Variants in AFF3 observed in about 807,000 individuals in gnomAD.
AFF3 encodes the protein ALF transcription elongation factor 3.
A neutral mutation model predicts 129.7 loss-of-function variants in AFF3; 32 were observed. The ratio of observed to expected loss-of-function variants is 0.25; its 90% CI spans 0.19 to 0.33. The LOEUF is 0.33. Ranked by LOEUF, AFF3 falls within the 10% of genes least tolerant of loss-of-function variation. The pLI is 1.00. For missense variants in AFF3, 1,373 were observed against 1,592.0 expected (o/e 0.86, Z 2.34); for synonymous variants, 644 against 635.4 (o/e 1.01, Z -0.20).
chr2:100,012,510 C>T (rs1682645366), intron 4 of AFF3, among the ~76,000 whole-genome samples: 1 of 152,206 alleles, frequency 6.6e-6, no homozygotes, highest in South Asian at 2.1e-4. Flanking sequence ...TGAACTCTCA[C>T]CTTTCTACCA....
At chr2:100,028,209 C>A (rs10198283) in intron 4 of AFF3, among the ~76,000 whole-genome samples, 3,155 of 152,194 alleles carry the variant, frequency 0.021, 119 homozygotes, top group African/African-American at 0.072. Flanking sequence ...AAGTGTAAAT[C>A]AGAAGAAACT....
intron 7 of AFF3, among the ~76,000 whole-genome samples, chr2:99,998,037 T>C (rs1170249647): frequency 6.6e-6 from 1 of 151,642 alleles, no homozygotes; most frequent in African/African-American, 2.4e-5. Flanking sequence ...AGGTTAAAAA[T>C]CAAAATTCTA....
At position 99,958,954 on chromosome 2, in the gene AFF3, A is replaced by T. The variant is rs75353862; in HGVS notation, c.873+47678T>A. On this transcript the variant is annotated intron_variant, in intron 7 of 24. Transcript: ENST00000672756. ...ATAGGGGGGCCCATCTCTATAAAAA[A>T]TACAAAAATTAGCCAGGCGTGGGTC... Among the ~76,000 whole-genome samples, 3 of 152,056 alleles carry T rather than the reference A, an allele frequency of 2.0e-5. No homozygotes were observed. The East Asian group carries it at 5.8e-4, about 29-fold the overall frequency.
chr2:99,616,420 T>A (rs1044935699), intron 13 of AFF3, among the ~76,000 whole-genome samples: 7 of 152,168 alleles, frequency 4.6e-5, no homozygotes, highest in Admixed American at 3.9e-4. Flanking sequence ...ATGTATTTTA[T>A]AATCTTCATA....
intron 7 of AFF3, among the ~76,000 whole-genome samples, chr2:99,849,560 G>A (rs115556178): frequency 0.019 from 2,826 of 152,212 alleles, 59 homozygotes; most frequent in African/African-American, 0.048. Context: ...CCTACGAAAT[G>A]TGAGGGCTAA....
chr2:100,107,420 T>C, intron 2 of AFF3: 1 of 985,368 alleles, frequency 1.0e-6, no homozygotes, highest in Non-Finnish European at 1.2e-6. Context: ...GTTTGGACTT[T>C]TGGGGATTAG....
intron 10 of AFF3, among the ~76,000 whole-genome samples, chr2:99,743,301 C>G (rs931982462): frequency 1.3e-5 from 2 of 152,234 alleles, no homozygotes; most frequent in Non-Finnish European, 2.9e-5. Context: ...GCCCATTTGC[C>G]TCACAGATGC....
intron 24 of AFF3, among the ~76,000 whole-genome samples, chr2:99,554,023 C>T (rs555086460): frequency 2.0e-5 from 3 of 150,438 alleles, no homozygotes; most frequent in South Asian, 2.1e-4. Context: ...TTATTTGTCA[C>T]AGTGGAAAAA....
chr2:99,847,839 T>C (rs1689849499), intron 7 of AFF3, among the ~76,000 whole-genome samples: 1 of 152,138 alleles, frequency 6.6e-6, no homozygotes, highest in South Asian at 2.1e-4. Context: ...AGAACTGCTT[T>C]CTATCCTCAT....
rs1430034078 is a variant in AFF3 at position 99,548,155 on chromosome 2, G to A, written c.*3319C>T. ...TCTCTTTCAAAGGCAATTGAACATC[G>A]TGATAAAGGATAGCATCTATTCAGG... is the stretch of plus-strand genomic sequence containing the variant. On this transcript the variant is annotated 3_prime_UTR_variant, in exon 25 of 25. Transcript: ENST00000672756. The A allele has an allele frequency of 2.5e-5, 5 of 199,922 alleles. No individual in the cohort carries two copies. The highest frequency in any genetic ancestry group is 3.8e-4 in the South Asian group (2 of 5,228). The allele number at this position is 199,922 out of a possible 1,614,324, so 12.4% of individuals were successfully genotyped here. A position where few individuals can be genotyped will look rare whatever the true frequency, so the allele number is the denominator to read the frequency against.
intron 13 of AFF3, among the ~76,000 whole-genome samples, chr2:99,648,917 A>ACACACACTCTCTCTCTCTCT: frequency 1.1e-4 from 5 of 46,930 alleles, no homozygotes; most frequent in Non-Finnish European, 1.4e-4. Flanking sequence ...ACACACACAC[A>ACACACACTCTCTCTCTCTCT]CTCTCTCTCT....
chr2:99,594,912 A>G (rs1190138327), intron 14 of AFF3, among the ~76,000 whole-genome samples: 3 of 152,210 alleles, frequency 2.0e-5, no homozygotes, highest in Non-Finnish European at 4.4e-5. Flanking sequence ...TCTATCCTCA[A>G]CCTGCTTCCA....
intron 7 of AFF3, among the ~76,000 whole-genome samples, chr2:99,874,583 T>G (rs1692141962): frequency 6.6e-6 from 1 of 152,158 alleles, no homozygotes; most frequent in Non-Finnish European, 1.5e-5. Context: ...GGAAGTAAAA[T>G]AAAAACTTGT....
chr2:99,619,991 G>C (rs1012155013), intron 13 of AFF3, among the ~76,000 whole-genome samples: 1 of 152,168 alleles, frequency 6.6e-6, no homozygotes, highest in Non-Finnish European at 1.5e-5. Context: ...TGACCCAAAC[G>C]GGTTCTCTGT....
In AFF3 at chr2:99,549,960, C is replaced by T. The variant is rs1473250438; in HGVS notation, c.*1514G>A. 2.7e-5 allele frequency: 6 copies of T among 222,708 alleles called. No homozygotes were observed. The highest frequency in any genetic ancestry group is 6.7e-5 in the African/African-American group (3 of 44,642). The allele number at this position is 222,708 out of a possible 1,614,324, so 13.8% of individuals were successfully genotyped here. ...ATTACACCGCCTGCCTTTCTCAGAC[C>T]GTCCTGGTGCAACTTTATCAAGTAA... On this transcript the variant is annotated 3_prime_UTR_variant, in exon 25 of 25. Coordinates refer to ENST00000672756, the MANE Select transcript of AFF3 (RefSeq NM_001386135.1).
At chr2:99,767,120 C>T (rs773329832) in intron 8 of AFF3, among the ~76,000 whole-genome samples, 4 of 152,184 alleles carry the variant, frequency 2.6e-5, no homozygotes, top group African/African-American at 4.8e-5. Context: ...CTCAGGCATG[C>T]GTTCAACCAA....
chr2:99,593,337 A>G lies in AFF3; in HGVS notation c.2324T>C (p.Leu775Pro), dbSNP rs761953373. ...SLWVKIDLTLLSRIPEHLPQE... is the reference protein window; with the variant it reads ...SLWVKIDLTLPSRIPEHLPQE... ...GGGCAGGTGTTCTGGGATCCTGGAC[A>G]GGAGGGTCAGGTCGATTTTGACCCA... The change falls in exon 15 of 25, where the codon CTG (leucine) becomes CCG (proline). Residue 775 changes from leucine to proline, a missense_variant. Around this residue, in one of 9 missense-constraint regions of AFF3, gnomAD observed 466 missense variants for 505.0 expected, o/e 0.92. Transcript: ENST00000672756. 1 of 1,614,082 alleles carries G rather than the reference A, an allele frequency of 6.2e-7. No individual in the cohort carries two copies. Among genetic ancestry groups the G allele is most frequent in the South Asian group, 1.1e-5 (1 of 91,080 alleles).
intron 7 of AFF3, among the ~76,000 whole-genome samples, chr2:99,866,812 A>G (rs1367267872): frequency 6.6e-6 from 1 of 151,762 alleles, no homozygotes; most frequent in African/African-American, 2.4e-5. Flanking sequence ...CCCTATATCT[A>G]CTAAAAATAC....
intron 10 of AFF3, among the ~76,000 whole-genome samples, chr2:99,737,280 T>G (rs1022410171): frequency 1.3e-5 from 2 of 152,186 alleles, no homozygotes; most frequent in African/African-American, 4.8e-5. Context: ...GTGCATGCAA[T>G]CAACATTGTT....
Sources: gnomAD v4.1 joint callset for allele counts (sites outside exome capture counted in the v4.1 genomes callset) on GRCh38, gnomAD v4.1.1 for gene constraint, gnomAD v4.1.1 regional missense constraint, MANE v1.5 for transcripts, NCBI Gene and HGNC (gene_info 2026-07-23, HGNC 2026-07-21) for gene names.